SPPL3: variants seen among roughly 807,000 people sequenced by gnomAD.
SPPL3 encodes signal peptide peptidase-like 3.
SPPL3 carries 5 observed loss-of-function variants against 42.4 expected under a neutral mutation model. The ratio of observed to expected loss-of-function variants is 0.12; its 90% CI spans 0.06 to 0.25. SPPL3 has a LOEUF of 0.25. SPPL3 is among the 10% of genes least tolerant of loss of function. The pLI is 1.00. For synonymous variants in SPPL3, 195 were observed against 181.8 expected (o/e 1.07, Z -0.58); for missense variants, 235 against 489.0 (o/e 0.48, Z 4.90).
At chr12:120,837,830 A>G (rs550134865) in intron 1 of SPPL3, among the ~76,000 whole-genome samples, 2 of 152,050 alleles carry the variant, frequency 1.3e-5, no homozygotes, top group Non-Finnish European at 2.9e-5. Flanking sequence ...ATACACACAC[A>G]CACACACATG....
At chr12:120,867,397 T>C (rs1807178623) in intron 1 of SPPL3, among the ~76,000 whole-genome samples, 3 of 152,168 alleles carry the variant, frequency 2.0e-5, no homozygotes, top group Admixed American at 2.0e-4. Flanking sequence ...CTGGGCGCGG[T>C]GGCTCACGCC....
chr12:120,852,854 C>T (rs7308189), intron 1 of SPPL3, among the ~76,000 whole-genome samples: 26,028 of 45,370 alleles, frequency 0.57, 11,418 homozygotes, highest in South Asian at 0.73. Context: ...ATATGAAATA[C>T]ATATTTCATA....
chr12:120,844,088 T>C (rs1871934342), intron 1 of SPPL3, among the ~76,000 whole-genome samples: 1 of 152,240 alleles, frequency 6.6e-6, no homozygotes, highest in Non-Finnish European at 1.5e-5. Context: ...TGATTGCAAA[T>C]TTGATATCTC....
intron 1 of SPPL3, among the ~76,000 whole-genome samples, chr12:120,850,508 AAAAAAC>A (rs1365573066): frequency 2.6e-5 from 4 of 151,328 alleles, no homozygotes; most frequent in Non-Finnish European, 5.9e-5. Flanking sequence ...AAAAAAAAAA[AAAAAAC>A]AAAAGCCAAA....
At chr12:120,765,722 GC>G (rs141348485) in intron 10 of SPPL3, among the ~76,000 whole-genome samples, 1,984 of 151,614 alleles carry the variant, frequency 0.013, 27 homozygotes, top group Non-Finnish European at 0.02. Context: ...CAAGAAAAGG[GC>G]TTTTATCAAC....
At chr12:120,769,590 A>G (rs1869039792) in intron 6 of SPPL3, 1 of 153,746 alleles carries the variant, frequency 6.5e-6, no homozygotes, top group South Asian at 2.0e-4. Flanking sequence ...TCGCTGTATC[A>G]CCCAGGCTGG....
intron 3 of SPPL3, among the ~76,000 whole-genome samples, chr12:120,787,753 C>T (rs1228279269): frequency 6.6e-6 from 1 of 151,954 alleles, no homozygotes; most frequent in African/African-American, 2.4e-5. Flanking sequence ...TACTAGTTTG[C>T]CTGTTTCCTA....
At chr12:120,789,809 A>G in intron 3 of SPPL3, among the ~76,000 whole-genome samples, 1 of 131,924 alleles carries the variant, frequency 7.6e-6, no homozygotes, top group Admixed American at 8.1e-5. Context: ...TGAATGACAG[A>G]GCAAGACTCC....
At chr12:120,769,971 A>T (rs1592953438) in intron 6 of SPPL3, 2 of 149,818 alleles carry the variant, frequency 1.3e-5, no homozygotes, top group African/African-American at 4.9e-5. Context: ...CATTTAATCA[A>T]ATTTCTCTAT....
intron 3 of SPPL3, among the ~76,000 whole-genome samples, chr12:120,785,627 C>T (rs1869695364): frequency 1.3e-5 from 2 of 151,424 alleles, no homozygotes; most frequent in Admixed American, 6.6e-5. Context: ...GTCATAAAAG[C>T]GCACAAAAGG....
At chr12:120,766,199 T>A in intron 10 of SPPL3, 64 bp downstream of exon 10, 2 of 1,344,028 alleles carry the variant, frequency 1.5e-6, no homozygotes, top group Admixed American at 2.2e-5. Flanking sequence ...GCGAGGAGAG[T>A]GCAAACCGAG....
Position 120,903,739 on chromosome 12 carries a change from C to CG in SPPL3, c.23+105_23+106insC, listed in dbSNP as rs1263914027. The CG allele has an allele frequency of 5.0e-5, 35 of 694,014 alleles. 1 individual carries two copies. Among genetic ancestry groups the CG allele is most frequent in the Non-Finnish European group, 6.9e-5 (32 of 462,848 alleles). The allele number at this position is 694,014 out of a possible 1,614,324, so 43.0% of individuals were successfully genotyped here. ...GCGTGCACCCCAACCCGCGCCCCCC[C>CG]CCCACGACACGCACCTGTTCTTCCT... is the stretch of plus-strand genomic sequence containing the variant. On this transcript the variant is annotated intron_variant, in intron 1 of 10. Coordinates refer to ENST00000353487, the MANE Select transcript of SPPL3 (RefSeq NM_139015.5).
At chr12:120,798,490 A>G (rs1007694290) in intron 2 of SPPL3, among the ~76,000 whole-genome samples, 1 of 152,112 alleles carries the variant, frequency 6.6e-6, no homozygotes, top group Non-Finnish European at 1.5e-5. Context: ...ACATGGTTTC[A>G]CTTCTATGAT....
At chr12:120,813,284 T>C (rs887171364) in intron 1 of SPPL3, among the ~76,000 whole-genome samples, 1 of 151,700 alleles carries the variant, frequency 6.6e-6, no homozygotes, top group African/African-American at 2.4e-5. Flanking sequence ...GAGACACTGC[T>C]GTGGTCTATA....
chr12:120,812,222 C>T (rs1206073640), intron 1 of SPPL3, among the ~76,000 whole-genome samples: 1 of 151,902 alleles, frequency 6.6e-6, no homozygotes, highest in African/African-American at 2.4e-5. Context: ...GCAACCTCCG[C>T]CTCCTGGGTT....
In SPPL3 at chr12:120,778,787, C is replaced by A. The variant is rs377474667; in HGVS notation, c.502+3868G>T. Reference sequence around the variant, plus strand: ...TCATTGTACTGGTCAAAGTCACTTACGAAGAAAAAAAATTCCTAGATGCAG... The same window carrying A: ...TCATTGTACTGGTCAAAGTCACTTAAGAAGAAAAAAAATTCCTAGATGCAG... On this transcript the variant is annotated intron_variant, in intron 6 of 10. Coordinates refer to ENST00000353487, the MANE Select transcript of SPPL3 (RefSeq NM_139015.5). Among the ~76,000 whole-genome samples, 14 of 151,978 alleles carry A rather than the reference C, an allele frequency of 9.2e-5. No individual in the cohort carries two copies. In the East Asian group the frequency reaches 1.5e-3, roughly 17 times the overall value.
At chr12:120,883,787 T>C (rs890481835) in intron 1 of SPPL3, among the ~76,000 whole-genome samples, 14 of 152,054 alleles carry the variant, frequency 9.2e-5, no homozygotes, top group African/African-American at 2.7e-4. Context: ...AAACAAAACA[T>C]GTTGTACAGT....
intron 2 of SPPL3, among the ~76,000 whole-genome samples, chr12:120,794,505 C>T (rs1870033878): frequency 6.6e-6 from 1 of 152,146 alleles, no homozygotes; most frequent in African/African-American, 2.4e-5. Context: ...TCAAGCAATT[C>T]TCCTGCCTCA....
intron 1 of SPPL3, among the ~76,000 whole-genome samples, chr12:120,840,936 TTTCATTCA>T (rs3050429): frequency 2.0e-5 from 3 of 151,038 alleles, no homozygotes; most frequent in Non-Finnish European, 2.9e-5. Flanking sequence ...TGAGACTCCA[TTTCATTCA>T]TTCATTCATT....
Sources: gnomAD v4.1 joint callset for allele counts (sites outside exome capture counted in the v4.1 genomes callset) on GRCh38, gnomAD v4.1.1 for gene constraint, MANE v1.5 for transcripts, NCBI Gene and HGNC (gene_info 2026-07-23, HGNC 2026-07-21) for gene names.